The following RIPK2 variants were observed in gnomAD, a reference collection of about 807,000 sequenced individuals.
The protein encoded by RIPK2 is receptor interacting serine/threonine kinase 2, also known as receptor-interacting serine/threonine-protein kinase 2.
RIPK2 carries 38 observed loss-of-function variants against 60.9 expected under a neutral mutation model. The ratio of observed to expected loss-of-function variants is 0.62; its 90% confidence interval spans 0.48 to 0.82. The LOEUF is 0.82. Among genes scored for constraint, RIPK2 ranks in the 40% least tolerant of loss-of-function variants. RIPK2 has a pLI of 0.00. For missense variants in RIPK2, 518 were observed against 647.0 expected (o/e 0.80, Z 2.16); for synonymous variants, 225 against 223.4 (o/e 1.01, Z -0.06).
chr8:89,777,515 T>G (rs1809418510), intron 6 of RIPK2, among the ~76,000 whole-genome samples: 1 of 152,176 alleles, frequency 6.6e-6, no homozygotes, highest in South Asian at 2.1e-4. Context: ...AGAGTTTATT[T>G]TTAAACTGTC....
rs200872639 is a variant in RIPK2 at position 89,758,090 on chromosome 8, G to A, written c.30G>A (p.Leu10=). 1 of 1,606,720 alleles carries A rather than the reference G, an allele frequency of 6.2e-7. No homozygotes were observed. Among genetic ancestry groups the A allele is most frequent in the Non-Finnish European group, 8.5e-7 (1 of 1,177,058 alleles). MNGEAICSA[L]PTIPYHKLAD... is the part of the protein sequence containing the mutation. ...ACGGGGAGGCCATCTGCAGCGCCCT[G>A]CCCACCATTCCCTACCACAAACTCG... The change falls in exon 1 of 11, where the codon CTG becomes CTA. Residue 10 remains leucine (L), a synonymous_variant. Coordinates refer to ENST00000220751, the MANE Select transcript of RIPK2 (RefSeq NM_003821.6).
At chr8:89,777,755 A>G (rs955231391) in intron 6 of RIPK2, among the ~76,000 whole-genome samples, 1 of 152,030 alleles carries the variant, frequency 6.6e-6, no homozygotes, top group Non-Finnish European at 1.5e-5. Flanking sequence ...ACTGTTTCCT[A>G]TTTTCAGTGG....
At chr8:89,771,048 G>A (rs1401489083) in intron 4 of RIPK2, among the ~76,000 whole-genome samples, 3 of 151,814 alleles carry the variant, frequency 2.0e-5, no homozygotes, top group Non-Finnish European at 4.4e-5. Context: ...AAATCTGCCA[G>A]TCATTCATTT....
At chr8:89,765,075 G>C (rs1809205701) in intron 2 of RIPK2, among the ~76,000 whole-genome samples, 1 of 151,884 alleles carries the variant, frequency 6.6e-6, no homozygotes, top group Admixed American at 6.6e-5. Context: ...GCTGAAGAAA[G>C]ACCCAAAACC....
intron 8 of RIPK2, among the ~76,000 whole-genome samples, chr8:89,786,030 A>G (rs1809582036): frequency 6.6e-6 from 1 of 152,226 alleles, no homozygotes; most frequent in South Asian, 2.1e-4. Context: ...AGCATCTGAG[A>G]TCGTGTAGAA....
intron 3 of RIPK2, among the ~76,000 whole-genome samples, chr8:89,769,524 C>G (rs1481071915): frequency 6.6e-6 from 1 of 151,824 alleles, no homozygotes; most frequent in Non-Finnish European, 1.5e-5. Context: ...AAAAATTAGT[C>G]TCTCTTTTGA....
chr8:89,781,423 A>G (rs1030608027), intron 7 of RIPK2, among the ~76,000 whole-genome samples: 8 of 147,858 alleles, frequency 5.4e-5, no homozygotes, highest in Non-Finnish European at 8.9e-5. Flanking sequence ...CTGGAGTGCC[A>G]TGACAGGATC....
intron 6 of RIPK2, among the ~76,000 whole-genome samples, chr8:89,778,768 A>T (rs1428201209): frequency 2.0e-5 from 3 of 152,210 alleles, no homozygotes; most frequent in Non-Finnish European, 4.4e-5. Flanking sequence ...TAATGCTGCT[A>T]TGACTGTTCA....
chr8:89,773,355 T>C (rs1809345296), intron 6 of RIPK2, among the ~76,000 whole-genome samples: 1 of 151,794 alleles, frequency 6.6e-6, no homozygotes, highest in African/African-American at 2.4e-5. Context: ...GAAGAAAGAG[T>C]ATTCAGCCAA....
intron 9 of RIPK2, among the ~76,000 whole-genome samples, chr8:89,787,398 CTG>C (rs960608698): frequency 6.6e-6 from 1 of 152,096 alleles, no homozygotes; most frequent in African/African-American, 2.4e-5. Context: ...TTTAAGGACT[CTG>C]GATCACATAG....
intron 8 of RIPK2, among the ~76,000 whole-genome samples, chr8:89,784,457 G>T (rs1328684524): frequency 6.6e-6 from 1 of 152,180 alleles, no homozygotes; most frequent in East Asian, 1.9e-4. Flanking sequence ...TTTTAACACT[G>T]TATTTATGCT....
intron 8 of RIPK2, 25 bp downstream of exon 8, chr8:89,784,164 A>AT (rs377038313): frequency 7.1e-5 from 78 of 1,096,692 alleles, no homozygotes; most frequent in South Asian, 3.9e-4. Context: ...AAAAAAAAAA[A>AT]GGTTATATTA....
At chr8:89,782,503 T>C (rs1262902806) in intron 7 of RIPK2, among the ~76,000 whole-genome samples, 3 of 152,038 alleles carry the variant, frequency 2.0e-5, no homozygotes, top group Admixed American at 1.3e-4. Flanking sequence ...TAAATAAGAT[T>C]CTTCATAAAG....
intron 1 of RIPK2, 38 bp downstream of exon 1, chr8:89,758,271 C>T: frequency 6.5e-7 from 1 of 1,548,648 alleles, no homozygotes; most frequent in Admixed American, 1.8e-5. Context: ...GAGCCCTCAA[C>T]TCCTGCATCC....
At chr8:89,789,285 G>A (rs772769888) in intron 9 of RIPK2, 36 bp from the exon 10 acceptor site, 2 of 1,583,472 alleles carry the variant, frequency 1.3e-6, no homozygotes, top group Non-Finnish European at 1.7e-6. Context: ...TTTCTAAGGA[G>A]TATTCTACTT....
intron 3 of RIPK2, among the ~76,000 whole-genome samples, chr8:89,767,776 T>C (rs1233174981): frequency 6.6e-6 from 1 of 151,708 alleles, no homozygotes; most frequent in East Asian, 1.9e-4. Context: ...ACAGAATAAA[T>C]CCAATTTAGT....
chr8:89,765,810 G>A (rs1809218941), intron 3 of RIPK2, among the ~76,000 whole-genome samples: 1 of 151,300 alleles, frequency 6.6e-6, no homozygotes, highest in Admixed American at 6.6e-5. Context: ...AAGTTGCAAA[G>A]GTAATAAAGA....
At chr8:89,785,509 T>C (rs187176481) in intron 8 of RIPK2, among the ~76,000 whole-genome samples, 1 of 152,294 alleles carries the variant, frequency 6.6e-6, no homozygotes, top group African/African-American at 2.4e-5. Context: ...ACCTTCAGGC[T>C]GTGTGTATAA....
At chr8:89,761,373 T>TC (rs11445951) in intron 1 of RIPK2, among the ~76,000 whole-genome samples, 28,035 of 150,710 alleles carry the variant, frequency 0.19, 3,772 homozygotes, top group African/African-American at 0.4. Context: ...CCAATTCCTT[T>TC]TCATTTTTTT....
Sources: allele counts gnomAD v4.1 joint callset (sites outside exome capture counted in the v4.1 genomes callset), GRCh38; gene constraint gnomAD v4.1.1; transcripts MANE v1.5; gene names NCBI Gene and HGNC (gene_info 2026-07-23, HGNC 2026-07-21).